The following TCP11 variants were observed in gnomAD, a reference collection of about 807,000 sequenced individuals.
TCP11 encodes the protein t-complex 11.
TCP11 carries 34 observed loss-of-function variants against 45.0 expected under a neutral mutation model. That is an observed-to-expected ratio of 0.76 (90% CI 0.57 to 1.01). The LOEUF is 1.01. TCP11 is among the 50% of genes least tolerant of loss of function. The pLI is 0.00. For synonymous variants in TCP11, 227 were observed against 227.0 expected, an observed-to-expected ratio of 1.00 and a Z score of 0.00; for missense variants, 523 against 598.1, an observed-to-expected ratio of 0.87 and a Z score of 1.31.
At chr6:35,135,147 CAA>C (rs34456748) in intron 3 of TCP11, among the ~76,000 whole-genome samples, 300 of 130,978 alleles carry the variant, frequency 2.3e-3, no homozygotes, top group Admixed American at 2.4e-3. Flanking sequence ...AACTCCATCT[CAA>C]AAAAAAAAAA....
At chr6:35,122,502 G>A (rs2057537) in intron 4 of TCP11, among the ~76,000 whole-genome samples, 165 bp from the exon 5 acceptor site, 6,691 of 152,088 alleles carry the variant, frequency 0.044, 295 homozygotes, top group East Asian at 0.23. Context: ...TTTAGAGGCC[G>A]GTGACAATTC....
At chr6:35,138,648 T>C (rs1338997031) in intron 2 of TCP11, among the ~76,000 whole-genome samples, 1 of 152,032 alleles carries the variant, frequency 6.6e-6, no homozygotes, top group Non-Finnish European at 1.5e-5. Flanking sequence ...GTACAAAAAA[T>C]AGAATGAATA....
At chr6:35,138,153 A>C (rs1207126392) in intron 2 of TCP11, among the ~76,000 whole-genome samples, 1 of 152,224 alleles carries the variant, frequency 6.6e-6, no homozygotes, top group African/African-American at 2.4e-5. Context: ...GTAAATTAGT[A>C]CAGCCACTAT....
intron 2 of TCP11, 28 bp from the exon 3 acceptor site, chr6:35,136,246 C>A (rs774738031): frequency 1.3e-6 from 2 of 1,553,180 alleles, no homozygotes; most frequent in Non-Finnish European, 1.8e-6. Flanking sequence ...TGAGCCCATG[C>A]AAGTCTGAAT....
At chr6:35,140,968 G>A in intron 1 of TCP11, 84 bp from the exon 2 acceptor site, 1 of 1,425,766 alleles carries the variant, frequency 7.0e-7, no homozygotes. Context: ...GCGGCGGGAA[G>A]GGGGGTAGCG....
Position 35,140,136 on chromosome 6 carries a change from A to G in TCP11, c.124+611T>C, listed in dbSNP as rs186279808. On this transcript the variant is annotated intron_variant, in intron 2 of 9. Coordinates refer to ENST00000311875, the MANE Select transcript of TCP11 (RefSeq NM_001370687.1). ...CAATCTAATTCAGCCGCAAAGCCTC[A>G]ATCTAATTTTTCGCATTTCAATAGT... 3,053 of 1,612,232 alleles carry G rather than the reference A, an allele frequency of 1.9e-3. 53 individuals carry two copies. In the African/African-American group the frequency reaches 0.034, roughly 18 times the overall value.
At chr6:35,125,206 A>G (rs932169351) in intron 4 of TCP11, among the ~76,000 whole-genome samples, 1 of 151,676 alleles carries the variant, frequency 6.6e-6, no homozygotes, top group Non-Finnish European at 1.5e-5. Context: ...AAAAGAAAGA[A>G]AAAAGAAAAA....
chr6:35,141,187 C>A lies in TCP11; in HGVS notation c.-15+18G>T. ...CGAAACGCCGGCCCAGGCCCGCCTC[C>A]GGCTCCCAGGCCGTCACCTCCTCCT... is the stretch of plus-strand genomic sequence containing the variant. On this transcript the variant is annotated intron_variant, in intron 1 of 9. Coordinates refer to ENST00000311875, the MANE Select transcript of TCP11 (RefSeq NM_001370687.1). 1 of 1,381,416 alleles carries A rather than the reference C, an allele frequency of 7.2e-7. No individual in the cohort carries two copies. The highest frequency in any genetic ancestry group is 9.3e-7 in the Non-Finnish European group (1 of 1,070,522). 85.6% of individuals were successfully genotyped at this position (1,381,416 alleles called of 1,614,324 possible).
chr6:35,135,129 A>G (rs1182509236), intron 3 of TCP11, among the ~76,000 whole-genome samples: 1 of 144,928 alleles, frequency 6.9e-6, no homozygotes, highest in Non-Finnish European at 1.5e-5. Flanking sequence ...CCTGGGCAAC[A>G]AGAGCAAAAC....
intron 4 of TCP11, among the ~76,000 whole-genome samples, chr6:35,124,057 G>C (rs957984440): frequency 6.6e-6 from 1 of 152,112 alleles, no homozygotes; most frequent in Non-Finnish European, 1.5e-5. Flanking sequence ...GCCTCTCAAA[G>C]TGCTAGAATT....
At chr6:35,121,402 CTTT>C (rs34381181) in intron 5 of TCP11, among the ~76,000 whole-genome samples, 1 of 136,450 alleles carries the variant, frequency 7.3e-6, no homozygotes, top group Non-Finnish European at 1.6e-5. Flanking sequence ...GGACCAACTG[CTTT>C]TTTTTTTTTT....
rs371137302 is a variant in TCP11 at position 35,121,034 on chromosome 6, T to G, written c.590A>C (p.Gln197Pro). The G allele has an allele frequency of 9.9e-5, 160 of 1,609,112 alleles. No individual in the cohort carries two copies. The highest frequency in any genetic ancestry group is 4.9e-4 in the Middle Eastern group (3 of 6,062). ...DPVWLLRGIF[Q>P]VLGRMKMDMV... ...GTCCATTTTCATCCGGCCCAGAACC[T>G]GGAAGATCCCTCTGACACAGGGGGA... Residue 197 changes from glutamine to proline, a missense_variant, in exon 6 of 10, where the codon CAG becomes CCG. Coordinates refer to ENST00000311875, the MANE Select transcript of TCP11 (RefSeq NM_001370687.1).
chr6:35,139,047 G>T (rs797004268), intron 2 of TCP11, among the ~76,000 whole-genome samples: 14 of 152,214 alleles, frequency 9.2e-5, no homozygotes, highest in African/African-American at 3.4e-4. Flanking sequence ...AATTAGCTGG[G>T]CATGGTGGCA....
intron 1 of TCP11, 56 bp downstream of exon 1, chr6:35,141,149 T>C: frequency 1.5e-6 from 2 of 1,315,002 alleles, no homozygotes; most frequent in South Asian, 4.1e-5. Flanking sequence ...CGCGGCGAGG[T>C]GCCCCCCTCG....
intron 9 of TCP11, 149 bp from the exon 10 acceptor site, chr6:35,118,650 G>A (rs1778896043): frequency 2.9e-6 from 2 of 697,142 alleles, no homozygotes; most frequent in Non-Finnish European, 4.7e-6. Flanking sequence ...TGTTTTGTTT[G>A]GAAAGGGGGC....
chr6:35,141,142 G>T (rs1286574807), intron 1 of TCP11, 63 bp downstream of exon 1: 1 of 1,316,756 alleles, frequency 7.6e-7, no homozygotes, highest in Non-Finnish European at 9.7e-7. Flanking sequence ...CTTCCTTCGC[G>T]GCGAGGTGCC....
At position 35,120,890 on chromosome 6, in the gene TCP11, C is replaced by T; in HGVS notation, c.715+19G>A. On this transcript the variant is annotated intron_variant, in intron 6 of 9. Transcript: ENST00000311875. The surrounding 1 kb of genome is among the most constrained non-coding windows in gnomAD (Gnocchi z 4.9). Reference sequence around the variant, plus strand: ...AAGGTAATACCTTTCCCACTCCTGCCCTCACATTATATACATACTAGGCTG... The same window carrying T: ...AAGGTAATACCTTTCCCACTCCTGCTCTCACATTATATACATACTAGGCTG... 1 of 1,602,012 alleles carries T rather than the reference C, an allele frequency of 6.2e-7. No individual in the cohort carries two copies.
chr6:35,121,187 GC>G, intron 5 of TCP11, 142 bp from the exon 6 acceptor site: 1 of 1,007,796 alleles, frequency 9.9e-7, no homozygotes, highest in Non-Finnish European at 1.4e-6. Flanking sequence ...ATAACATGTG[GC>G]CCAGAACCCA....
chr6:35,121,783 G>A (rs891579495), intron 5 of TCP11, among the ~76,000 whole-genome samples: 1 of 151,094 alleles, frequency 6.6e-6, no homozygotes, highest in Non-Finnish European at 1.5e-5. Flanking sequence ...GCTGTACCTG[G>A]GCAACAAGAG....
Sources: allele counts gnomAD v4.1 joint callset (sites outside exome capture counted in the v4.1 genomes callset), GRCh38; gene constraint gnomAD v4.1.1; non-coding constraint Gnocchi (gnomAD v3.1); transcripts MANE v1.5; gene names NCBI Gene and HGNC (gene_info 2026-07-23, HGNC 2026-07-21).